SHANK2: variants seen among roughly 807,000 people sequenced by gnomAD.
The protein encoded by SHANK2 is SH3 and multiple ankyrin repeat domains 2, also known as SH3 and multiple ankyrin repeat domains protein 2.
In SHANK2, 43 loss-of-function variants were observed where a neutral mutation model predicts 133.7. The observed-to-expected ratio is 0.32, with a 90% CI of 0.25 to 0.41. The LOEUF (loss-of-function observed/expected upper bound fraction) is 0.41, where lower values mean the gene tolerates loss of function less well. Ranked by LOEUF, SHANK2 falls within the 10% of genes least tolerant of loss-of-function variation. The pLI is 1.00. For missense variants in SHANK2, 1,994 were observed against 2,235.8 expected (o/e 0.89, Z 2.18); for synonymous variants, 1,017 against 952.8 (o/e 1.07, Z -1.24).
intron 10 of SHANK2, chr11:70,943,960 G>A (rs782324606): frequency 1.1e-5 from 5 of 456,624 alleles, no homozygotes. Flanking sequence ...TCCTGCCAGG[G>A]AAGATGAGAG....
At chr11:70,499,180 G>C (rs1217037659) in intron 21 of SHANK2, among the ~76,000 whole-genome samples, 1 of 152,238 alleles carries the variant, frequency 6.6e-6, no homozygotes, top group Non-Finnish European at 1.5e-5. Flanking sequence ...CATGGCCCTA[G>C]AGGCAGGGGC....
At chr11:70,816,600 G>T (rs1425896220) in intron 12 of SHANK2, among the ~76,000 whole-genome samples, 5 of 152,310 alleles carry the variant, frequency 3.3e-5, no homozygotes, top group Non-Finnish European at 4.4e-5. Context: ...TGGTTTTTCA[G>T]GAATAGTAAG....
chr11:70,570,495 T>C (rs1268923194), intron 17 of SHANK2: 3 of 152,250 alleles, frequency 2.0e-5, no homozygotes, highest in Non-Finnish European at 4.4e-5. Context: ...AGGGAGGCCT[T>C]GCCCTGAAAG....
intron 13 of SHANK2, among the ~76,000 whole-genome samples, chr11:70,801,249 C>G (rs148549803): frequency 1.6e-4 from 24 of 152,280 alleles, no homozygotes; most frequent in South Asian, 4.1e-4. Context: ...ACAAGACCAA[C>G]CAAAAATATG....
chr11:71,127,845 T>A (rs1304396180), intron 3 of SHANK2, among the ~76,000 whole-genome samples: 1 of 152,230 alleles, frequency 6.6e-6, no homozygotes, highest in African/African-American at 2.4e-5. Context: ...TTGAGAATAC[T>A]GAAGAAGATG....
chr11:71,232,005 C>T (rs1005030058), intron 1 of SHANK2, among the ~76,000 whole-genome samples: 2 of 152,040 alleles, frequency 1.3e-5, no homozygotes, highest in African/African-American at 2.4e-5. Context: ...GTTAAACAAA[C>T]GGATACATCC....
chr11:70,546,776 G>A (rs1462743651), intron 17 of SHANK2, among the ~76,000 whole-genome samples: 10 of 152,202 alleles, frequency 6.6e-5, no homozygotes, highest in African/African-American at 2.2e-4. Context: ...CCTCCCTGCT[G>A]GCTCTGGGTG....
intron 11 of SHANK2, among the ~76,000 whole-genome samples, chr11:70,880,948 T>A (rs1440251799): frequency 1.3e-5 from 2 of 152,188 alleles, no homozygotes; most frequent in Non-Finnish European, 2.9e-5. Flanking sequence ...CCCAGGACCC[T>A]TTCACATTCT....
At chr11:71,063,651 T>C (rs1391694577) in intron 9 of SHANK2, among the ~76,000 whole-genome samples, 2 of 152,336 alleles carry the variant, frequency 1.3e-5, no homozygotes, top group African/African-American at 4.8e-5. Context: ...TTTGGCTCCC[T>C]TGCGAGGCTG....
At chr11:70,676,417 C>T (rs983734843) in intron 15 of SHANK2, among the ~76,000 whole-genome samples, 21 of 152,310 alleles carry the variant, frequency 1.4e-4, no homozygotes, top group African/African-American at 4.1e-4. Flanking sequence ...CTCCCTGGCA[C>T]CCCCTCCTTT....
chr11:70,576,242 C>A (rs1423156937), intron 17 of SHANK2, among the ~76,000 whole-genome samples: 4 of 152,108 alleles, frequency 2.6e-5, no homozygotes, highest in African/African-American at 9.7e-5. Flanking sequence ...ACGGAAGCTG[C>A]AGGTGAAGAT....
chr11:70,486,175 C>T lies in SHANK2; in HGVS notation c.4118G>A (p.Arg1373Lys). 1 of 1,613,550 alleles carries T rather than the reference C, an allele frequency of 6.2e-7. No homozygotes were observed. The change falls in exon 25 of 26, where the codon AGA becomes AAA. Residue 1373 changes from arginine to lysine, a missense_variant. Around this residue, in one of 5 missense-constraint regions of SHANK2, gnomAD observed 797 missense variants for 907.4 expected, o/e 0.88. Transcript: ENST00000601538. The surrounding 1 kb of genome is among the most constrained non-coding windows in gnomAD (Gnocchi z 8.0). ...AAPEPTTVPG[R>K]TIVAVGSMEE... is the part of the protein sequence containing the mutation. ...CATGGAGCCCACCGCGACGATGGTT[C>T]TGCCGGGCACGGTGGTGGGCTCGGG...
At position 71,112,829 on chromosome 11, in the gene SHANK2, C is replaced by T. The variant is rs79040047; in HGVS notation, c.483+464G>A. Among the ~76,000 whole-genome samples, 28 of 124,676 alleles carry T rather than the reference C, an allele frequency of 2.2e-4. No individual in the cohort carries two copies. The East Asian group carries it at 7.8e-3, about 35-fold the overall frequency. 81.8% of individuals were successfully genotyped at this position (124,676 alleles called of 152,430 possible). On this transcript the variant is annotated intron_variant, in intron 5 of 25. Transcript: ENST00000601538. ...TCTGAGCTCAAGGCATAGTGCATTCCGCCAGGTTCTGAACACTCTGTGCAA... is the reference window on the plus strand; with the variant it reads ...TCTGAGCTCAAGGCATAGTGCATTCTGCCAGGTTCTGAACACTCTGTGCAA...
intron 4 of SHANK2, among the ~76,000 whole-genome samples, chr11:71,118,194 C>T (rs1409659546): frequency 4.6e-5 from 7 of 151,950 alleles, no homozygotes; most frequent in African/African-American, 1.7e-4. Flanking sequence ...TTATTCACAG[C>T]AAGATTTCTC....
intron 14 of SHANK2, among the ~76,000 whole-genome samples, chr11:70,718,700 C>CTTTCTTTTT (rs1946007601): frequency 7.7e-6 from 1 of 129,814 alleles, no homozygotes; most frequent in Non-Finnish European, 1.6e-5. Context: ...AGCTCATTCT[C>CTTTCTTTTT]TTTTTTTTTT....
At chr11:71,145,354 T>C (rs1332068185) in intron 3 of SHANK2, among the ~76,000 whole-genome samples, 2 of 152,252 alleles carry the variant, frequency 1.3e-5, no homozygotes, top group Non-Finnish European at 2.9e-5. Context: ...AGAGAGTTTA[T>C]GCATTTGTGT....
chr11:70,849,882 G>A (rs1200693676), intron 11 of SHANK2, among the ~76,000 whole-genome samples: 1 of 152,096 alleles, frequency 6.6e-6, no homozygotes, highest in East Asian at 1.9e-4. Context: ...ATTTTTAAGT[G>A]TACAGGTCAG....
intron 10 of SHANK2, among the ~76,000 whole-genome samples, chr11:70,932,069 C>T (rs555777549): frequency 2.0e-5 from 3 of 152,250 alleles, no homozygotes; most frequent in Non-Finnish European, 2.9e-5. Flanking sequence ...TATCTTCCAT[C>T]GGAAATGAGT....
chr11:71,191,122 G>T (rs980261459), intron 2 of SHANK2, among the ~76,000 whole-genome samples: 1 of 151,750 alleles, frequency 6.6e-6, no homozygotes, highest in African/African-American at 2.4e-5. Context: ...AGTAAGCCAC[G>T]ATTGCTCCGG....
Sources: allele counts gnomAD v4.1 joint callset (sites outside exome capture counted in the v4.1 genomes callset), GRCh38; gene constraint gnomAD v4.1.1; regional missense constraint gnomAD v4.1.1; non-coding constraint Gnocchi (gnomAD v3.1); transcripts MANE v1.5; gene names NCBI Gene and HGNC (gene_info 2026-07-23, HGNC 2026-07-21).